The following KHDRBS2 variants were observed in gnomAD, a reference collection of about 807,000 sequenced individuals.
The protein encoded by KHDRBS2 is KH RNA binding domain containing, signal transduction associated 2.
KHDRBS2 carries 26 observed loss-of-function variants against 44.3 expected under a neutral mutation model. The observed-to-expected ratio is 0.59, with a 90% confidence interval of 0.43 to 0.81. KHDRBS2 has a LOEUF of 0.81. Among genes scored for constraint, KHDRBS2 ranks in the 40% least tolerant of loss-of-function variants. The probability of loss-of-function intolerance (pLI) is 0.00; values close to 1 mark genes in which losing one functional copy is unlikely to be tolerated. For missense variants in KHDRBS2, 476 were observed against 433.1 expected (o/e 1.10, Z -0.88); for synonymous variants, 194 against 151.1 (o/e 1.28, Z -2.08).
intron 1 of KHDRBS2, among the ~76,000 whole-genome samples, chr6:62,259,685 C>T (rs1838014073): frequency 6.6e-6 from 1 of 151,804 alleles, no homozygotes. Context: ...AAATAATCAG[C>T]TTCATATTTT....
chr6:61,665,647 C>T, the KHDRBS2 span, among the ~76,000 whole-genome samples: 1 of 150,784 alleles, frequency 6.6e-6, no homozygotes, highest in Non-Finnish European at 1.5e-5. Flanking sequence ...CAATCTTATT[C>T]ATTTATGTAA....
chr6:62,117,962 G>A (rs1369241399), intron 2 of KHDRBS2, among the ~76,000 whole-genome samples: 1 of 152,052 alleles, frequency 6.6e-6, no homozygotes, highest in Non-Finnish European at 1.5e-5. Context: ...TTTTAGTAGA[G>A]ATGGGGTTTC....
At chr6:61,616,439 C>T in the KHDRBS2 span, among the ~76,000 whole-genome samples, 1 of 144,602 alleles carries the variant, frequency 6.9e-6, no homozygotes, top group African/African-American at 2.6e-5. Context: ...AATGTTATAA[C>T]AAAATTTTAC....
At chr6:61,988,763 G>A (rs938634934) in intron 3 of KHDRBS2, among the ~76,000 whole-genome samples, 7 of 152,128 alleles carry the variant, frequency 4.6e-5, no homozygotes, top group African/African-American at 1.7e-4. Context: ...GCCCACAAGG[G>A]TGAGAATCAC....
the KHDRBS2 span, among the ~76,000 whole-genome samples, chr6:61,601,690 T>C: frequency 7.2e-5 from 11 of 151,932 alleles, no homozygotes; most frequent in African/African-American, 2.7e-4. Flanking sequence ...TGCTGAGTCT[T>C]TCCAATATTC....
chr6:61,872,396 A>G (rs1798785264), intron 6 of KHDRBS2, among the ~76,000 whole-genome samples: 1 of 152,156 alleles, frequency 6.6e-6, no homozygotes, highest in African/African-American at 2.4e-5. Context: ...TGGATATAAT[A>G]TAAACACATA....
the KHDRBS2 span, among the ~76,000 whole-genome samples, chr6:61,589,963 C>G: frequency 6.6e-6 from 1 of 152,060 alleles, no homozygotes; most frequent in Non-Finnish European, 1.5e-5. Flanking sequence ...ACAGTCCCCC[C>G]ACAGTAACAG....
chr6:62,099,405 C>T (rs1801355331), intron 2 of KHDRBS2, among the ~76,000 whole-genome samples: 1 of 152,118 alleles, frequency 6.6e-6, no homozygotes, highest in Non-Finnish European at 1.5e-5. Flanking sequence ...TATGTTGCCA[C>T]TTTTTCAGCA....
intron 1 of KHDRBS2, among the ~76,000 whole-genome samples, chr6:62,244,396 T>C (rs1034346224): frequency 6.6e-6 from 1 of 152,142 alleles, no homozygotes; most frequent in African/African-American, 2.4e-5. Context: ...AAGTTTAAAT[T>C]CATCTGCCCG....
At chr6:61,846,302 G>T (rs1794394255) in intron 6 of KHDRBS2, among the ~76,000 whole-genome samples, 1 of 152,174 alleles carries the variant, frequency 6.6e-6, no homozygotes, top group African/African-American at 2.4e-5. Flanking sequence ...GCTCCATAGG[G>T]AATATTCTAT....
At chr6:62,273,359 C>G (rs191989734) in intron 1 of KHDRBS2, among the ~76,000 whole-genome samples, 1 of 152,146 alleles carries the variant, frequency 6.6e-6, no homozygotes, top group African/African-American at 2.4e-5. Flanking sequence ...TTGTCCAACC[C>G]TTCTCTCAGT....
the KHDRBS2 span, among the ~76,000 whole-genome samples, chr6:61,604,319 C>T: frequency 9.2e-5 from 14 of 151,950 alleles, no homozygotes; most frequent in Middle Eastern, 3.4e-3. Context: ...CAGGACAATG[C>T]TTATGCTGAT....
chr6:62,188,518 G>T (rs1453450016), intron 1 of KHDRBS2, among the ~76,000 whole-genome samples: 1 of 152,138 alleles, frequency 6.6e-6, no homozygotes, highest in African/African-American at 2.4e-5. Context: ...AAAATGGTGA[G>T]AAGTGAGTGA....
At chr6:61,666,925 A>C in the KHDRBS2 span, among the ~76,000 whole-genome samples, 1 of 151,084 alleles carries the variant, frequency 6.6e-6, no homozygotes, top group Non-Finnish European at 1.5e-5. Flanking sequence ...CTGCTAAATG[A>C]AATTGTTTAG....
At chr6:62,173,137 G>C (rs1463183948) in intron 2 of KHDRBS2, among the ~76,000 whole-genome samples, 1 of 150,646 alleles carries the variant, frequency 6.6e-6, no homozygotes, top group Non-Finnish European at 1.5e-5. Flanking sequence ...AAATGTTCGC[G>C]TCCAGGAGTT....
chr6:62,212,625 A>G (rs1291210658), intron 1 of KHDRBS2, among the ~76,000 whole-genome samples: 1 of 152,152 alleles, frequency 6.6e-6, no homozygotes, highest in Non-Finnish European at 1.5e-5. Context: ...AAGCAAAGAG[A>G]GAATGCCATG....
chr6:61,891,944 A>G (rs2127328644), intron 6 of KHDRBS2, among the ~76,000 whole-genome samples: 1 of 152,316 alleles, frequency 6.6e-6, no homozygotes, highest in Non-Finnish European at 1.5e-5. Flanking sequence ...TCAATCATGA[A>G]AAAAGGAAGT....
At chr6:61,905,381 C>A (rs192540177) in intron 4 of KHDRBS2, among the ~76,000 whole-genome samples, 284 of 150,784 alleles carry the variant, frequency 1.9e-3, no homozygotes, top group Middle Eastern at 6.9e-3. Flanking sequence ...AAGGTAGAAA[C>A]AAATGAAGTT....
At chr6:62,230,247 G>A (rs1242715119) in intron 1 of KHDRBS2, among the ~76,000 whole-genome samples, 1 of 152,078 alleles carries the variant, frequency 6.6e-6, no homozygotes, top group Non-Finnish European at 1.5e-5. Flanking sequence ...AATAGTTTCA[G>A]GTTAATTCTG....
Sources: gnomAD v4.1 joint callset for allele counts (sites outside exome capture counted in the v4.1 genomes callset) on GRCh38, gnomAD v4.1.1 for gene constraint, MANE v1.5 for transcripts, NCBI Gene and HGNC (gene_info 2026-07-23, HGNC 2026-07-21) for gene names.